The following MMP15 variants were observed in gnomAD, a reference collection of about 807,000 sequenced individuals.
The protein encoded by MMP15 is matrix metalloproteinase-15.
MMP15 carries 36 observed loss-of-function variants against 65.0 expected under a neutral mutation model. The observed-to-expected ratio is 0.55, with a 90% CI of 0.42 to 0.73. The LOEUF is 0.73. MMP15 is among the 30% of genes least tolerant of loss of function. The pLI, the probability that MMP15 is intolerant of heterozygous loss-of-function variation, is 0.00. For synonymous variants in MMP15, 428 were observed against 410.2 expected (o/e 1.04, Z -0.52); for missense variants, 870 against 987.8 (o/e 0.88, Z 1.60).
chr16:58,041,699 G>A lies in MMP15; in HGVS notation c.993G>A (p.Pro331=), dbSNP rs769979721. 15 of 1,579,882 alleles carry A rather than the reference G, an allele frequency of 9.5e-6. No individual in the cohort carries two copies. In the East Asian group the frequency reaches 1.6e-4, roughly 17 times the overall value. The change falls in exon 6 of 10, where the codon CCG becomes CCA. Residue 331 remains proline (P), a synonymous_variant. Transcript: ENST00000219271. Reference sequence around the variant, plus strand: ...GGCCAGGCCGGCCTGACCACCGGCCGCCCCGGCCTCCCCAGCCACCACCCC... The same window carrying A: ...GGCCAGGCCGGCCTGACCACCGGCCACCCCGGCCTCCCCAGCCACCACCCC... ...PRRPGRPDHR[P]PRPPQPPPPG... is the part of the protein sequence containing the mutation.
chr16:58,042,197 C>G, intron 6 of MMP15, 34 bp from the exon 7 acceptor site: 1 of 1,597,072 alleles, frequency 6.3e-7, no homozygotes, highest in Non-Finnish European at 8.5e-7. Flanking sequence ...AGGCAGCTTG[C>G]CTGCGCTGCC....
chr16:58,045,138 C>T lies in MMP15; in HGVS notation c.1702C>T (p.Arg568Ter), dbSNP rs375683596. The T allele has an allele frequency of 2.5e-6, 4 of 1,602,536 alleles. No individual in the cohort carries two copies. Among genetic ancestry groups the T allele is most frequent in the African/African-American group, 1.3e-5 (1 of 74,730 alleles). Residue 568 changes from arginine to a stop codon, truncating the protein, a stop_gained, in exon 10 of 10, where the codon CGA becomes TGA. Coordinates refer to ENST00000219271, the MANE Select transcript of MMP15 (RefSeq NM_002428.4). LOFTEE classifies it low-confidence loss of function (END_TRUNC). ...GCQEHVEPGP[R>*]WPDVARPPFN... ...CCAGGAGCACGTGGAGCCAGGCCCC[C>T]GATGGCCCGACGTGGCCCGGCCGCC...
Position 58,045,682 on chromosome 16 carries a change from C to T in MMP15, c.*236C>T, listed in dbSNP as rs911599217. 1.9e-6 allele frequency: 1 copy of T among 532,244 alleles called. No individual in the cohort carries two copies. The highest frequency in any genetic ancestry group is 2.0e-5 in the African/African-American group (1 of 50,942). 33.0% of individuals were successfully genotyped at this position (532,244 alleles called of 1,614,324 possible). A position where few individuals can be genotyped will look rare whatever the true frequency, so the allele number is the denominator to read the frequency against. On this transcript the variant is annotated 3_prime_UTR_variant, in exon 10 of 10. Coordinates refer to ENST00000219271, the MANE Select transcript of MMP15 (RefSeq NM_002428.4). The stretch of plus-strand genomic sequence containing the variant: ...TGTTTAGAATTTTCTAAATGTAGTT[C>T]TGCTCCAGACAGGGAATTAGGCCCC...
At position 58,046,614 on chromosome 16, in the gene MMP15, G is replaced by A. The variant is rs1959572016; in HGVS notation, c.*1168G>A. ...TTTTCCTTCCCAAAGCAAGCAAGAG[G>A]CCGTGGCTGCTGTGGGAAATGGTAC... On this transcript the variant is annotated 3_prime_UTR_variant, in exon 10 of 10. Coordinates refer to ENST00000219271, the MANE Select transcript of MMP15 (RefSeq NM_002428.4). 1 of 152,726 alleles carries A rather than the reference G, an allele frequency of 6.5e-6. No individual in the cohort carries two copies. The highest frequency in any genetic ancestry group is 1.5e-5 in the Non-Finnish European group (1 of 68,110). The allele number at this position is 152,726 out of a possible 1,614,324, so 9.5% of individuals were successfully genotyped here. A position where few individuals can be genotyped will look rare whatever the true frequency, so the allele number is the denominator to read the frequency against.
chr16:58,038,798 C>T (rs1460632442), intron 3 of MMP15, among the ~76,000 whole-genome samples: 1 of 152,228 alleles, frequency 6.6e-6, no homozygotes, highest in African/African-American at 2.4e-5. Flanking sequence ...AGAAAACCCT[C>T]CAGCCAAGTG....
In MMP15 at chr16:58,037,586, C is replaced by A; in HGVS notation, c.277C>A (p.Pro93Thr). 9 of 1,614,198 alleles carry A rather than the reference C, an allele frequency of 5.6e-6. No individual in the cohort carries two copies. Among genetic ancestry groups the A allele is most frequent in the Non-Finnish European group, 7.6e-6 (9 of 1,180,030 alleles). The change falls in exon 2 of 10, where the codon CCA (proline) becomes ACA (threonine). Residue 93 changes from proline (P) to threonine (T), a missense_variant. Pro to Thr is a conservative substitution (Grantham distance 38). Transcript: ENST00000219271. The part of the protein sequence containing the change: ...LAEMQRFYGI[P>T]VTGVLDEETK... ...AGAGATGCAGCGCTTCTACGGGATC[C>A]CAGTCACCGGTGTGCTCGACGAAGA... is the stretch of plus-strand genomic sequence containing the variant.
At chr16:58,037,903 G>A (rs1959369744) in intron 2 of MMP15, among the ~76,000 whole-genome samples, 1 of 152,216 alleles carries the variant, frequency 6.6e-6, no homozygotes, top group African/African-American at 2.4e-5. Context: ...TACAGGAGCT[G>A]TGGAAGGGAA....
intron 1 of MMP15, among the ~76,000 whole-genome samples, chr16:58,035,959 G>A (rs1959322502): frequency 6.6e-6 from 1 of 152,230 alleles, no homozygotes; most frequent in Non-Finnish European, 1.5e-5. Context: ...CAGAAAGCAG[G>A]TGCCTGAGGT....
intron 3 of MMP15, among the ~76,000 whole-genome samples, 155 bp from the exon 4 acceptor site, chr16:58,039,720 T>C (rs1936955238): frequency 6.6e-6 from 1 of 152,268 alleles, no homozygotes; most frequent in African/African-American, 2.4e-5. Context: ...TCTCCTGGAT[T>C]TGACAAATTC....
At position 58,041,807 on chromosome 16, in the gene MMP15, C is replaced by G. The variant is rs781044482; in HGVS notation, c.1101C>G (p.Pro367=). ...RATERPDQYG[P]NICDGDFDTV... ...CAGAGCGGCCCGACCAGTATGGCCC[C>G]AACATCTGCGACGGGGACTTTGACA... The change falls in exon 6 of 10, where the codon CCC becomes CCG. Residue 367 remains proline, a synonymous_variant. Transcript: ENST00000219271. 1 of 1,612,366 alleles carries G rather than the reference C, an allele frequency of 6.2e-7. No individual in the cohort carries two copies. The highest frequency in any genetic ancestry group is 8.5e-7 in the Non-Finnish European group (1 of 1,179,284).
chr16:58,032,487 C>T (rs1959253737), intron 1 of MMP15, among the ~76,000 whole-genome samples: 1 of 152,224 alleles, frequency 6.6e-6, no homozygotes, highest in African/African-American at 2.4e-5. Flanking sequence ...AGTTTTTGGC[C>T]AGCTGTAGTC....
chr16:58,027,314 C>G (rs1291301811), intron 1 of MMP15, among the ~76,000 whole-genome samples: 3 of 152,244 alleles, frequency 2.0e-5, no homozygotes, highest in Non-Finnish European at 4.4e-5. Context: ...GGCGCGACAT[C>G]CCGGCGTAGA....
intron 1 of MMP15, among the ~76,000 whole-genome samples, chr16:58,034,378 GTC>G (rs917872021): frequency 3.4e-5 from 5 of 147,416 alleles, no homozygotes; most frequent in Non-Finnish European, 5.9e-5. Context: ...GCCCCCTGCT[GTC>G]TCTTCCCTCC....
chr16:58,037,569 A>G lies in MMP15; in HGVS notation c.260A>G (p.Gln87Arg). The G allele has an allele frequency of 6.2e-7, 1 of 1,614,172 alleles. No individual in the cohort carries two copies. The highest frequency in any genetic ancestry group is 8.5e-7 in the Non-Finnish European group (1 of 1,180,028). Reference sequence around the variant, plus strand: ...TTGGCCTCGGCCCTTGCAGAGATGCAGCGCTTCTACGGGATCCCAGTCACC... The same window carrying G: ...TTGGCCTCGGCCCTTGCAGAGATGCGGCGCTTCTACGGGATCCCAGTCACC... ...QILASALAEM[Q>R]RFYGIPVTGV... The change falls in exon 2 of 10, where the codon CAG (glutamine) becomes CGG (arginine). Residue 87 changes from glutamine to arginine, a missense_variant. Transcript: ENST00000219271.
intron 3 of MMP15, 115 bp from the exon 4 acceptor site, chr16:58,039,760 C>A: frequency 1.0e-6 from 1 of 989,216 alleles, no homozygotes; most frequent in Non-Finnish European, 1.5e-6. Context: ...AGCAAACTGC[C>A]AGTTGATAAT....
chr16:58,027,926 C>G (rs989521823), intron 1 of MMP15, among the ~76,000 whole-genome samples: 1 of 152,152 alleles, frequency 6.6e-6, no homozygotes, highest in African/African-American at 2.4e-5. Context: ...AGGATTACCC[C>G]TCAGCCTGTG....
In MMP15 at chr16:58,026,238, C is replaced by T. The variant is rs764934431; in HGVS notation, c.-113C>T. ...AGGCGGCTCCGGCGGGGACCGGGAGCCCGAGGTCCGCGGCGCGCCTGCCGG... is the reference window on the plus strand; with the variant it reads ...AGGCGGCTCCGGCGGGGACCGGGAGTCCGAGGTCCGCGGCGCGCCTGCCGG... On this transcript the variant is annotated 5_prime_UTR_variant, in exon 1 of 10. Coordinates refer to ENST00000219271, the MANE Select transcript of MMP15 (RefSeq NM_002428.4). 8.6e-7 allele frequency: 1 copy of T among 1,162,954 alleles called. No individual in the cohort carries two copies. The highest frequency in any genetic ancestry group is 1.1e-6 in the Non-Finnish European group (1 of 924,184). 72.0% of individuals were successfully genotyped at this position (1,162,954 alleles called of 1,614,324 possible).
At chr16:58,043,122 A>AT in intron 7 of MMP15, 88 bp from the exon 8 acceptor site, 1 of 1,310,344 alleles carries the variant, frequency 7.6e-7, no homozygotes, top group Non-Finnish European at 1.0e-6. Flanking sequence ...TGTGAGTGTG[A>AT]TTTTGTGGGC....
At chr16:58,040,312 C>G in intron 4 of MMP15, 130 bp downstream of exon 4, 1 of 1,069,286 alleles carries the variant, frequency 9.4e-7, no homozygotes, top group African/African-American at 1.6e-5. Context: ...CTCCAGATCA[C>G]TACACTCAAT....
Sources: allele counts gnomAD v4.1 joint callset (sites outside exome capture counted in the v4.1 genomes callset), GRCh38; gene constraint gnomAD v4.1.1; transcripts MANE v1.5; gene names NCBI Gene and HGNC (gene_info 2026-07-23, HGNC 2026-07-21).